ACTR3C: variants seen among roughly 807,000 people sequenced by gnomAD.
ACTR3C encodes the protein actin related protein 3C, also known as actin-related protein 3C.
A neutral mutation model predicts 26.3 loss-of-function variants in ACTR3C; 18 were observed. That is an observed-to-expected ratio of 0.68 (90% CI 0.47 to 1.01). ACTR3C has a LOEUF of 1.01. ACTR3C is among the 50% of genes least tolerant of loss of function. The probability of loss-of-function intolerance (pLI) is 0.00; values close to 1 mark genes in which losing one functional copy is unlikely to be tolerated. For synonymous variants in ACTR3C, 55 were observed against 94.5 expected (o/e 0.58, Z 2.42); for missense variants, 184 against 250.7 (o/e 0.73, Z 1.80).
At chr7:150,284,874 A>T in intron 5 of ACTR3C, 29 bp from the exon 6 acceptor site, 1 of 1,591,026 alleles carries the variant, frequency 6.3e-7, no homozygotes, top group Non-Finnish European at 8.6e-7. Context: ...TAAAAGAAAC[A>T]TTACACATTT....
the ACTR3C span, among the ~76,000 whole-genome samples, chr7:150,186,535 T>A: frequency 1.3e-5 from 2 of 152,098 alleles, no homozygotes; most frequent in East Asian, 3.8e-4. Context: ...ACTGTAACAT[T>A]TCCTTCTGGA....
the ACTR3C span, among the ~76,000 whole-genome samples, chr7:149,955,243 A>C: frequency 1.3e-5 from 2 of 152,380 alleles, no homozygotes; most frequent in Admixed American, 1.3e-4. Flanking sequence ...AAGTTTAAAA[A>C]GGTCCCTTCT....
the ACTR3C span, among the ~76,000 whole-genome samples, chr7:150,134,031 A>G: frequency 5.9e-5 from 9 of 152,156 alleles, no homozygotes; most frequent in African/African-American, 2.2e-4. Context: ...AGCCACCACC[A>G]AGCCTGGCCA....
chr7:150,034,025 A>C, the ACTR3C span, among the ~76,000 whole-genome samples: 5 of 144,764 alleles, frequency 3.5e-5, no homozygotes, highest in African/African-American at 7.7e-5. Flanking sequence ...TGGTGGTCCC[A>C]AGAGCCAGGG....
chr7:149,917,608 G>A, the ACTR3C span, among the ~76,000 whole-genome samples: 134,947 of 144,624 alleles, frequency 0.93, 63,748 homozygotes, highest in East Asian at 1. Context: ...AAGTAGAAAT[G>A]TTACATCTTA....
chr7:150,161,144 T>G, the ACTR3C span, among the ~76,000 whole-genome samples: 2 of 148,688 alleles, frequency 1.3e-5, no homozygotes, highest in Non-Finnish European at 3.0e-5. Context: ...CACTTCATTC[T>G]TCCTGACATC....
chr7:149,954,636 T>G, the ACTR3C span, among the ~76,000 whole-genome samples: 1 of 152,252 alleles, frequency 6.6e-6, no homozygotes, highest in Non-Finnish European at 1.5e-5. Flanking sequence ...TCACTTAAAT[T>G]CAAATATTTG....
the ACTR3C span, among the ~76,000 whole-genome samples, chr7:150,233,867 C>CT: frequency 7.9e-5 from 12 of 151,990 alleles, no homozygotes; most frequent in Admixed American, 7.9e-4. Context: ...TTTTTTCTTG[C>CT]TTTTTTTCAT....
the ACTR3C span, among the ~76,000 whole-genome samples, chr7:150,055,797 A>T: frequency 1.3e-5 from 2 of 152,242 alleles, no homozygotes; most frequent in African/African-American, 4.8e-5. Context: ...AGAACTGCAA[A>T]GAAAAAAAAG....
At chr7:150,035,297 C>A in the ACTR3C span, among the ~76,000 whole-genome samples, 2 of 62,474 alleles carry the variant, frequency 3.2e-5, 1 homozygote, top group Non-Finnish European at 8.1e-5. Context: ...AGTGCCTCCC[C>A]CCCCTTGCGA....
chr7:150,239,040 C>G (rs1465241758), downstream of ACTR3C, among the ~76,000 whole-genome samples: 1 of 151,710 alleles, frequency 6.6e-6, no homozygotes, highest in African/African-American at 2.4e-5. Context: ...TTGTTTTTTC[C>G]TTACTGGTTT....
At chr7:149,935,735 C>A in the ACTR3C span, among the ~76,000 whole-genome samples, 1 of 148,724 alleles carries the variant, frequency 6.7e-6, no homozygotes, top group Non-Finnish European at 1.5e-5. Context: ...ACACCAAAAG[C>A]AAACAAATAA....
At chr7:150,128,799 GT>G in the ACTR3C span, among the ~76,000 whole-genome samples, 1 of 152,054 alleles carries the variant, frequency 6.6e-6, no homozygotes, top group Non-Finnish European at 1.5e-5. Context: ...CACGAATGAT[GT>G]GTTTTAGACT....
chr7:150,036,035 G>C, the ACTR3C span, among the ~76,000 whole-genome samples: 12 of 125,274 alleles, frequency 9.6e-5, no homozygotes, highest in African/African-American at 4.0e-4. Flanking sequence ...TAAGAGCAAA[G>C]GTGGGAAGAG....
chr7:149,940,434 C>A, the ACTR3C span, among the ~76,000 whole-genome samples: 1 of 151,688 alleles, frequency 6.6e-6, no homozygotes, highest in Admixed American at 6.6e-5. Context: ...ACTTAATGGT[C>A]CCTCTAGTCT....
the ACTR3C span, among the ~76,000 whole-genome samples, chr7:149,943,424 C>G: frequency 6.6e-6 from 1 of 151,344 alleles, no homozygotes; most frequent in Non-Finnish European, 1.5e-5. Context: ...TTAACAAGTG[C>G]CTTTTATCTA....
At chr7:150,023,746 C>T in the ACTR3C span, among the ~76,000 whole-genome samples, 757 of 148,506 alleles carry the variant, frequency 5.1e-3, 16 homozygotes, top group African/African-American at 0.018. Context: ...GTATTAATCG[C>T]GATGAGTACT....
At chr7:149,907,740 A>G in the ACTR3C span, among the ~76,000 whole-genome samples, 1 of 151,708 alleles carries the variant, frequency 6.6e-6, no homozygotes, top group African/African-American at 2.4e-5. Flanking sequence ...CAACAGCTTT[A>G]AATGGCAACA....
intron 1 of ACTR3C, among the ~76,000 whole-genome samples, chr7:150,314,497 G>GCGTA (rs1370753931): frequency 1.3e-5 from 2 of 152,124 alleles, no homozygotes; most frequent in Non-Finnish European, 2.9e-5. Context: ...ATGGAGCTTT[G>GCGTA]TGTATGTCAC....
Sources: allele counts gnomAD v4.1 joint callset (sites outside exome capture counted in the v4.1 genomes callset), GRCh38; gene constraint gnomAD v4.1.1; transcripts MANE v1.5; gene names NCBI Gene and HGNC (gene_info 2026-07-23, HGNC 2026-07-21).